Variants in ERI3 observed in about 807,000 individuals in gnomAD.
ERI3 encodes ERI1 exoribonuclease 3.
A neutral mutation model predicts 44.4 loss-of-function variants in ERI3; 18 were observed. The ratio of observed to expected loss-of-function variants is 0.41; its 90% CI spans 0.28 to 0.60. The LOEUF (loss-of-function observed/expected upper bound fraction) is 0.60, where lower values mean the gene tolerates loss of function less well. ERI3 is among the 20% of genes least tolerant of loss of function. The pLI is 0.36. For missense variants in ERI3, 294 were observed against 435.5 expected (o/e 0.68, Z 2.89); for synonymous variants, 183 against 164.8 (o/e 1.11, Z -0.84).
intron 7 of ERI3, among the ~76,000 whole-genome samples, chr1:44,281,810 T>C (rs1197475782): frequency 1.3e-5 from 2 of 151,608 alleles, no homozygotes; most frequent in East Asian, 1.9e-4. Flanking sequence ...GACATGCAAT[T>C]TGGAGTATAC....
intron 3 of ERI3, among the ~76,000 whole-genome samples, chr1:44,327,000 G>A (rs1646329809): frequency 6.6e-6 from 1 of 152,196 alleles, no homozygotes; most frequent in African/African-American, 2.4e-5. Flanking sequence ...GTCTCCCTCT[G>A]TATGTACATG....
At chr1:44,304,162 G>C (rs1215500483) in intron 6 of ERI3, among the ~76,000 whole-genome samples, 3 of 152,146 alleles carry the variant, frequency 2.0e-5, no homozygotes, top group African/African-American at 4.8e-5. Flanking sequence ...ATGTAGAGTA[G>C]GTAGCTGGAT....
intron 6 of ERI3, among the ~76,000 whole-genome samples, chr1:44,296,184 T>C (rs187679184): frequency 5.3e-5 from 8 of 152,288 alleles, no homozygotes; most frequent in East Asian, 1.9e-4. Flanking sequence ...GCCATTAGTG[T>C]GTGCCTCAGC....
intron 4 of ERI3, among the ~76,000 whole-genome samples, chr1:44,318,602 C>T (rs1192005301): frequency 1.3e-5 from 2 of 152,228 alleles, no homozygotes; most frequent in Non-Finnish European, 2.9e-5. Flanking sequence ...ACACTGGCAT[C>T]GAATTCAGGA....
At chr1:44,299,797 T>C (rs555479544) in intron 6 of ERI3, among the ~76,000 whole-genome samples, 4 of 152,140 alleles carry the variant, frequency 2.6e-5, no homozygotes, top group South Asian at 2.1e-4. Context: ...AGGTGAGCTA[T>C]AGGAAAGCAG....
At chr1:44,267,171 G>C (rs778398465) in intron 7 of ERI3, among the ~76,000 whole-genome samples, 2 of 152,170 alleles carry the variant, frequency 1.3e-5, no homozygotes, top group Non-Finnish European at 2.9e-5. Context: ...CAAGGCAGTG[G>C]GCCTAAAGCA....
chr1:44,346,855 G>A (rs1646794504), intron 2 of ERI3, among the ~76,000 whole-genome samples: 1 of 152,164 alleles, frequency 6.6e-6, no homozygotes, highest in Non-Finnish European at 1.5e-5. Flanking sequence ...ACCGTGCGAT[G>A]TACAAAAAGT....
chr1:44,320,539 G>C (rs1478344756), intron 3 of ERI3, among the ~76,000 whole-genome samples: 2 of 152,226 alleles, frequency 1.3e-5, no homozygotes, highest in African/African-American at 4.8e-5. Context: ...TCGCTCCTGG[G>C]AAGGGAGGAA....
intron 4 of ERI3, among the ~76,000 whole-genome samples, chr1:44,315,344 G>A (rs1302142629): frequency 6.6e-6 from 1 of 152,202 alleles, no homozygotes; most frequent in African/African-American, 2.4e-5. Context: ...TGGAGATAAG[G>A]CTTAGGTCAG....
chr1:44,342,811 T>A (rs2905822), intron 2 of ERI3, among the ~76,000 whole-genome samples: 18 of 70,882 alleles, frequency 2.5e-4, no homozygotes, highest in African/African-American at 9.8e-4. Flanking sequence ...CACATCCAGC[T>A]AATATATATA....
In ERI3 at chr1:44,353,993, A is replaced by G. The variant is rs556826362; in HGVS notation, c.135+899T>C. On this transcript the variant is annotated intron_variant, in intron 1 of 8. Coordinates refer to ENST00000372257, the MANE Select transcript of ERI3 (RefSeq NM_024066.3). Reference sequence around the variant, plus strand: ...TCCCTGTTTATAAATTGGCTTTTAAATGGTAGGAGATTCAGGTATAATAAA... The same window carrying G: ...TCCCTGTTTATAAATTGGCTTTTAAGTGGTAGGAGATTCAGGTATAATAAA... The G allele has an allele frequency of 4.1e-6, 4 of 985,408 alleles. 1 individual carries two copies. The South Asian group carries it at 1.9e-4, about 46-fold the overall frequency. The allele number at this position is 985,408 out of a possible 1,614,324, so 61.0% of individuals were successfully genotyped here. A position where few individuals can be genotyped will look rare whatever the true frequency, so the allele number is the denominator to read the frequency against.
intron 4 of ERI3, among the ~76,000 whole-genome samples, chr1:44,316,504 T>C (rs1463805039): frequency 6.6e-6 from 1 of 152,178 alleles, no homozygotes; most frequent in Non-Finnish European, 1.5e-5. Context: ...CACTAGCAAC[T>C]ACAGGAAGCA....
intron 7 of ERI3, among the ~76,000 whole-genome samples, chr1:44,262,738 G>A (rs1644920077): frequency 6.6e-6 from 1 of 152,210 alleles, no homozygotes; most frequent in Non-Finnish European, 1.5e-5. Flanking sequence ...GTACAGGAAA[G>A]ACCTAAGCGG....
chr1:44,281,601 A>AAAAAAATATAT (rs1460400186), intron 7 of ERI3, among the ~76,000 whole-genome samples: 1 of 128,048 alleles, frequency 7.8e-6, no homozygotes, highest in African/African-American at 3.3e-5. Flanking sequence ...AAAAAAAAAA[A>AAAAAAATATAT]ATATATATAT....
At chr1:44,351,891 T>C (rs149691430) in intron 2 of ERI3, among the ~76,000 whole-genome samples, 2,118 of 152,294 alleles carry the variant, frequency 0.014, 49 homozygotes, top group African/African-American at 0.048. Context: ...TGAGGAGGTT[T>C]ACTTCCTCTG....
At chr1:44,260,090 T>C (rs141259137) in intron 7 of ERI3, among the ~76,000 whole-genome samples, 128 of 152,330 alleles carry the variant, frequency 8.4e-4, no homozygotes, top group South Asian at 3.1e-3. Context: ...ATTCATTCAC[T>C]GAATATTCAC....
At chr1:44,291,898 G>A (rs867980258) in intron 6 of ERI3, among the ~76,000 whole-genome samples, 3 of 152,114 alleles carry the variant, frequency 2.0e-5, no homozygotes, top group South Asian at 4.2e-4. Context: ...AAAGTCCCCT[G>A]ATGGTGGGGC....
At chr1:44,307,625 T>C (rs1645867167) in intron 6 of ERI3, among the ~76,000 whole-genome samples, 2 of 152,196 alleles carry the variant, frequency 1.3e-5, no homozygotes. Context: ...AGGAACCGGT[T>C]CTGTCTTCCA....
chr1:44,250,939 C>G (rs1291164), intron 7 of ERI3, among the ~76,000 whole-genome samples: 4,112 of 152,306 alleles, frequency 0.027, 82 homozygotes, highest in African/African-American at 0.057. Flanking sequence ...CCTGGCACGT[C>G]TTCCCCAGGT....
Sources: allele counts gnomAD v4.1 joint callset (sites outside exome capture counted in the v4.1 genomes callset), GRCh38; gene constraint gnomAD v4.1.1; transcripts MANE v1.5; gene names NCBI Gene and HGNC (gene_info 2026-07-23, HGNC 2026-07-21).